The following SSBP3 variants were observed in gnomAD, a reference collection of about 807,000 sequenced individuals.
SSBP3 encodes the protein single-stranded DNA-binding protein 3.
SSBP3 carries 5 observed loss-of-function variants against 69.6 expected under a neutral mutation model. The observed-to-expected ratio is 0.07, with a 90% CI of 0.04 to 0.15. SSBP3 has a LOEUF of 0.15. Ranked by LOEUF, SSBP3 falls within the 10% of genes least tolerant of loss-of-function variation. The pLI, the probability that SSBP3 is intolerant of heterozygous loss-of-function variation, is 1.00. For synonymous variants in SSBP3, 196 were observed against 193.4 expected (o/e 1.01, Z -0.11); for missense variants, 312 against 534.0 (o/e 0.58, Z 4.10).
chr1:54,324,706 A>C (rs1047271438), intron 4 of SSBP3, among the ~76,000 whole-genome samples: 4 of 152,094 alleles, frequency 2.6e-5, no homozygotes, highest in Non-Finnish European at 5.9e-5. Context: ...AATGGCAGGG[A>C]GTTAATGGGG....
chr1:54,320,140 A>C (rs111655160), intron 4 of SSBP3, among the ~76,000 whole-genome samples: 23 of 152,286 alleles, frequency 1.5e-4, no homozygotes, highest in African/African-American at 5.5e-4. Context: ...CTAGCAGAAG[A>C]GTCAAATGCC....
intron 17 of SSBP3, 82 bp downstream of exon 17, chr1:54,228,173 C>CCCGGCT (rs1375521782): frequency 6.9e-6 from 9 of 1,309,476 alleles, no homozygotes; most frequent in Non-Finnish European, 7.7e-6. Flanking sequence ...CAGGCTGCAG[C>CCCGGCT]CCGGCTCCGT....
At chr1:54,267,886 C>A (rs1283461183) in intron 5 of SSBP3, among the ~76,000 whole-genome samples, 1 of 152,162 alleles carries the variant, frequency 6.6e-6, no homozygotes, top group African/African-American at 2.4e-5. Context: ...CAGCCCTGCA[C>A]AGCCAGCTCT....
chr1:54,344,174 A>G (rs886904315), intron 4 of SSBP3, among the ~76,000 whole-genome samples: 1 of 149,792 alleles, frequency 6.7e-6, no homozygotes, highest in African/African-American at 2.5e-5. Flanking sequence ...AACGTTGAGG[A>G]AAAAAAAAGT....
upstream of SSBP3, among the ~76,000 whole-genome samples, chr1:54,407,724 G>T (rs1231314037): frequency 6.7e-6 from 1 of 149,268 alleles, no homozygotes; most frequent in Non-Finnish European, 1.5e-5. Flanking sequence ...CTTTAGGGGA[G>T]CCTTGAAACT....
chr1:54,313,435 C>CT (rs752753963), intron 4 of SSBP3, among the ~76,000 whole-genome samples: 4,751 of 86,314 alleles, frequency 0.055, 663 homozygotes, highest in African/African-American at 0.082. Flanking sequence ...TGTGCCTGTG[C>CT]TTTTTTTTTT....
intron 14 of SSBP3, among the ~76,000 whole-genome samples, chr1:54,230,798 T>C (rs913423895): frequency 1.3e-5 from 2 of 152,214 alleles, no homozygotes; most frequent in African/African-American, 4.8e-5. Context: ...TTCTTTCACT[T>C]AGCATGTTTT....
intron 4 of SSBP3, among the ~76,000 whole-genome samples, chr1:54,369,218 C>CGGCGG (rs562400097): frequency 8.0e-6 from 1 of 124,690 alleles, no homozygotes; most frequent in African/African-American, 3.4e-5. Context: ...CCTCTTGAGT[C>CGGCGG]GGGGGGGGGG....
At chr1:54,307,533 CA>C (rs1164902747) in intron 4 of SSBP3, among the ~76,000 whole-genome samples, 1 of 152,170 alleles carries the variant, frequency 6.6e-6, no homozygotes, top group Admixed American at 6.5e-5. Context: ...TCATATCCGT[CA>C]GGGGTGTGTG....
intron 5 of SSBP3, among the ~76,000 whole-genome samples, chr1:54,270,378 C>G (rs138628227): frequency 6.6e-6 from 1 of 152,086 alleles, no homozygotes; most frequent in Admixed American, 6.5e-5. Context: ...AGCTCCTGTG[C>G]GGTGGAGCAG....
chr1:54,356,323 C>T (rs2100606597), intron 4 of SSBP3: 1 of 152,324 alleles, frequency 6.6e-6, no homozygotes, highest in South Asian at 2.1e-4. Context: ...AGACACGGTG[C>T]AAAGGAAACG....
intron 9 of SSBP3, among the ~76,000 whole-genome samples, chr1:54,250,747 G>A (rs1644814040): frequency 6.6e-6 from 1 of 152,170 alleles, no homozygotes; most frequent in South Asian, 2.1e-4. Context: ...AATTCCCAAG[G>A]TGGAACATCG....
intron 4 of SSBP3, among the ~76,000 whole-genome samples, chr1:54,365,550 C>T (rs948080466): frequency 1.3e-5 from 2 of 152,198 alleles, no homozygotes; most frequent in African/African-American, 4.8e-5. Context: ...AGGTTAGGAG[C>T]TGGCACGATG....
chr1:54,306,368 A>G (rs906854022), intron 4 of SSBP3, among the ~76,000 whole-genome samples: 1 of 152,240 alleles, frequency 6.6e-6, no homozygotes, highest in Admixed American at 6.5e-5. Flanking sequence ...ACAAGTCCAA[A>G]CAGGAGTACA....
chr1:54,339,161 A>AG (rs1557545363), intron 4 of SSBP3, among the ~76,000 whole-genome samples: 1 of 152,140 alleles, frequency 6.6e-6, no homozygotes, highest in Non-Finnish European at 1.5e-5. Flanking sequence ...AATCTGTAAC[A>AG]GAAAAAAAAA....
chr1:54,267,806 G>A (rs1645127280), intron 5 of SSBP3, among the ~76,000 whole-genome samples: 1 of 152,186 alleles, frequency 6.6e-6, no homozygotes, highest in South Asian at 2.1e-4. Flanking sequence ...TCAAGTTGGA[G>A]ACTAATTATT....
intron 4 of SSBP3, among the ~76,000 whole-genome samples, chr1:54,332,740 A>AT (rs1646439547): frequency 1.3e-5 from 2 of 150,454 alleles, no homozygotes; most frequent in Admixed American, 6.6e-5. Context: ...AGGGAGAAAG[A>AT]TAAAAAAAAC....
At chr1:54,369,222 G>GT (rs997615916) in intron 4 of SSBP3, among the ~76,000 whole-genome samples, 66 of 151,006 alleles carry the variant, frequency 4.4e-4, no homozygotes, top group African/African-American at 1.2e-3. Flanking sequence ...TTGAGTCGGG[G>GT]GGGGGGCCCA....
intron 7 of SSBP3, among the ~76,000 whole-genome samples, chr1:54,254,884 G>A (rs1482986976): frequency 1.3e-5 from 2 of 152,054 alleles, no homozygotes; most frequent in Admixed American, 1.3e-4. Flanking sequence ...CCAAGCTGGA[G>A]TGCAATGGCG....
Sources: gnomAD v4.1 joint callset for allele counts (sites outside exome capture counted in the v4.1 genomes callset) on GRCh38, gnomAD v4.1.1 for gene constraint, MANE v1.5 for transcripts, NCBI Gene and HGNC (gene_info 2026-07-23, HGNC 2026-07-21) for gene names.